The following HMCN1 variants were observed in gnomAD, a reference collection of about 807,000 sequenced individuals.
The protein encoded by HMCN1 is hemicentin 1.
Under a neutral mutation model 625.9 loss-of-function variants are expected in HMCN1, and 321 were observed. The ratio of observed to expected loss-of-function variants is 0.51; its 90% CI spans 0.47 to 0.56. HMCN1 has a LOEUF of 0.56. HMCN1 is among the 20% of genes least tolerant of loss of function. HMCN1 has a pLI of 0.00. For synonymous variants in HMCN1, 2,425 were observed against 2,417.6 expected, an observed-to-expected ratio of 1.00 and a Z score of -0.09; for missense variants, 6,588 against 6,887.3, an observed-to-expected ratio of 0.96 and a Z score of 1.54.
In HMCN1 at chr1:186,153,938, C is replaced by T. The variant is rs1288548279; in HGVS notation, c.15207C>T (p.Asn5069=). The change falls in exon 97 of 107, where the codon AAC becomes AAT. Residue 5069 remains asparagine (N), a synonymous_variant. Coordinates refer to ENST00000271588, the MANE Select transcript of HMCN1 (RefSeq NM_031935.3). Reference sequence around the variant, plus strand: ...CATCCTCTGTGGAATCTGACTATAACCAGATAGAAGAGACACTGGGTTTTA... The same window carrying T: ...CATCCTCTGTGGAATCTGACTATAATCAGATAGAAGAGACACTGGGTTTTA... ...LHASSVESDY[N]QIEETLGFKI... is the part of the protein sequence containing the mutation. The T allele has an allele frequency of 6.2e-7, 1 of 1,613,826 alleles. No individual in the cohort carries two copies. Among genetic ancestry groups the T allele is most frequent in the Admixed American group, 1.7e-5 (1 of 59,992 alleles).
At chr1:186,161,562 T>G (rs1343595549) in intron 97 of HMCN1, among the ~76,000 whole-genome samples, 2 of 151,982 alleles carry the variant, frequency 1.3e-5, no homozygotes, top group African/African-American at 4.8e-5. Context: ...CTGGTACCAG[T>G]TGTTCCTTTC....
intron 81 of HMCN1, among the ~76,000 whole-genome samples, chr1:186,125,049 T>C (rs1661578508): frequency 6.6e-6 from 1 of 152,154 alleles, no homozygotes; most frequent in Non-Finnish European, 1.5e-5. Context: ...AAATTTTCTC[T>C]GACAGTATGA....
chr1:185,867,049 A>G (rs1346238988), intron 4 of HMCN1, among the ~76,000 whole-genome samples: 1 of 152,190 alleles, frequency 6.6e-6, no homozygotes, highest in Non-Finnish European at 1.5e-5. Context: ...TCTTATAGCT[A>G]AAGAGTTCTT....
At chr1:185,970,831 T>A (rs1275581590) in intron 15 of HMCN1, among the ~76,000 whole-genome samples, 1 of 152,028 alleles carries the variant, frequency 6.6e-6, no homozygotes, top group East Asian at 1.9e-4. Flanking sequence ...GCTATTTTTT[T>A]GTATTTTTAG....
At chr1:185,936,391 AT>A (rs901731182) in intron 11 of HMCN1, among the ~76,000 whole-genome samples, 4 of 152,036 alleles carry the variant, frequency 2.6e-5, no homozygotes, top group Admixed American at 2.6e-4. Flanking sequence ...ACATATAAAT[AT>A]TTTTTATTAT....
At chr1:186,119,574 T>C (rs920345040) in intron 78 of HMCN1, among the ~76,000 whole-genome samples, 171 bp from the exon 79 acceptor site, 1 of 152,208 alleles carries the variant, frequency 6.6e-6, no homozygotes, top group Non-Finnish European at 1.5e-5. Context: ...AACTGGCTAC[T>C]GTAGCAAGAC....
chr1:186,176,872 C>T (rs1652618973), intron 103 of HMCN1: 1 of 152,364 alleles, frequency 6.6e-6, no homozygotes. Flanking sequence ...AGAGACTGGA[C>T]AAAAGGAAAG....
At position 186,137,973 on chromosome 1, in the gene HMCN1, G is replaced by A. The variant is rs1649723135; in HGVS notation, c.13924+1G>A. On this transcript the variant is annotated splice_donor_variant, in intron 89 of 106. Transcript: ENST00000271588. LOFTEE classifies it high-confidence loss of function. ...ATGTGCAACATTAGGCCTTGCCCAGGTGAGAAACCACCAATAATGCTAAGA... is the reference window on the plus strand; with the variant it reads ...ATGTGCAACATTAGGCCTTGCCCAGATGAGAAACCACCAATAATGCTAAGA... The A allele has an allele frequency of 6.2e-7, 1 of 1,613,882 alleles. No individual in the cohort carries two copies. Among genetic ancestry groups the A allele is most frequent in the African/African-American group, 1.3e-5 (1 of 75,034 alleles).
rs1181141171 is a variant in HMCN1, at chr1:186,103,629, T to G, written c.10731T>G (p.Thr3577=). 1.2e-6 allele frequency: 2 copies of G among 1,613,692 alleles called. No homozygotes were observed. The highest frequency in any genetic ancestry group is 2.7e-5 in the African/African-American group (2 of 74,900). ...RPLPQTDQVQ[T]LGGGEVLRIS... ...TTCCACAGACGGATCAAGTGCAAACTCTAGGAGGAGGAGAGGTTCTTCGAA... is the reference window on the plus strand; with the variant it reads ...TTCCACAGACGGATCAAGTGCAAACGCTAGGAGGAGGAGAGGTTCTTCGAA... The change falls in exon 69 of 107, where the codon ACT becomes ACG. Residue 3577 remains threonine (T), a synonymous_variant. Coordinates refer to ENST00000271588, the MANE Select transcript of HMCN1 (RefSeq NM_031935.3).
chr1:186,162,333 A>T (rs561456452), intron 97 of HMCN1, among the ~76,000 whole-genome samples: 6 of 151,074 alleles, frequency 4.0e-5, no homozygotes, highest in South Asian at 4.2e-4. Flanking sequence ...ATTTTTTTTC[A>T]AAGTTTTTAA....
chr1:186,021,930 CAG>C (rs1654749085), intron 35 of HMCN1, among the ~76,000 whole-genome samples: 1 of 151,994 alleles, frequency 6.6e-6, no homozygotes, highest in Non-Finnish European at 1.5e-5. Flanking sequence ...AAATGGAAAA[CAG>C]GGGATCTGAG....
At position 185,923,378 on chromosome 1, in the gene HMCN1, T is replaced by C; in HGVS notation, c.1022-12T>C. On this transcript the variant is annotated splice_polypyrimidine_tract_variant and intron_variant, in intron 7 of 106. Transcript: ENST00000271588. ...GTTTCTTGTAAATGATAACAAAATC[T>C]TTCTCTTGTAGGAATACCTACCTAT... The C allele has an allele frequency of 6.3e-7, 1 of 1,597,560 alleles. No homozygotes were observed. The highest frequency in any genetic ancestry group is 8.6e-7 in the Non-Finnish European group (1 of 1,167,230).
rs1660464559 is a variant in HMCN1, at chr1:186,103,207, T to C, written c.10574-265T>C. Among the ~76,000 whole-genome samples the C allele has an allele frequency of 2.6e-5, 4 of 152,196 alleles. No homozygotes were observed. The South Asian group carries it at 8.3e-4, about 31-fold the overall frequency. On this transcript the variant is annotated intron_variant, in intron 68 of 106. Coordinates refer to ENST00000271588, the MANE Select transcript of HMCN1 (RefSeq NM_031935.3). Reference sequence around the variant, plus strand: ...ATCTTTCAGTCAAGTGAGACTGTTCTAATTAACTGAGTTTGAACTGTTGTT... The same window carrying C: ...ATCTTTCAGTCAAGTGAGACTGTTCCAATTAACTGAGTTTGAACTGTTGTT...
chr1:186,025,519 C>A (rs2102175324), intron 36 of HMCN1, among the ~76,000 whole-genome samples: 1 of 152,306 alleles, frequency 6.6e-6, no homozygotes, highest in Middle Eastern at 3.4e-3. Flanking sequence ...GGCCTAGATA[C>A]TAAAGACTGG....
intron 1 of HMCN1, among the ~76,000 whole-genome samples, chr1:185,797,305 T>G (rs757675171): frequency 6.6e-6 from 1 of 152,174 alleles, no homozygotes; most frequent in Non-Finnish European, 1.5e-5. Flanking sequence ...CTCTTTGTTT[T>G]TTGGTTGGTT....
intron 15 of HMCN1, among the ~76,000 whole-genome samples, chr1:185,970,731 T>C (rs1472223663): frequency 6.6e-6 from 1 of 151,988 alleles, no homozygotes; most frequent in African/African-American, 2.4e-5. Context: ...CTATCTCGGC[T>C]CACTGCAACC....
chr1:186,136,576 CT>C (rs1649617249), intron 86 of HMCN1, 91 bp from the exon 87 acceptor site: 2 of 1,219,132 alleles, frequency 1.6e-6, no homozygotes, highest in Admixed American at 3.5e-5. Flanking sequence ...AAATCAATCA[CT>C]TTTTTCAAAA....
chr1:185,950,741 G>A (rs1277081627), intron 11 of HMCN1, among the ~76,000 whole-genome samples: 1 of 151,852 alleles, frequency 6.6e-6, no homozygotes, highest in Non-Finnish European at 1.5e-5. Context: ...AGAGAGGCTG[G>A]GATTAAGGGT....
At chr1:185,750,958 T>C (rs768275235) in intron 1 of HMCN1, among the ~76,000 whole-genome samples, 5 of 152,144 alleles carry the variant, frequency 3.3e-5, no homozygotes, top group South Asian at 2.1e-4. Context: ...CTGTGTAATA[T>C]AAGGACCTTA....
Sources: gnomAD v4.1 joint callset for allele counts (sites outside exome capture counted in the v4.1 genomes callset) on GRCh38, gnomAD v4.1.1 for gene constraint, MANE v1.5 for transcripts, NCBI Gene and HGNC (gene_info 2026-07-23, HGNC 2026-07-21) for gene names.